SLCO6A1: variants seen among roughly 807,000 people sequenced by gnomAD.
SLCO6A1 encodes cancer/testis antigen 48.
Under a neutral mutation model 72.7 loss-of-function variants are expected in SLCO6A1, and 65 were observed. The observed-to-expected ratio is 0.89, with a 90% CI of 0.73 to 1.10. SLCO6A1 has a LOEUF of 1.10. SLCO6A1 is among the 50% of genes least tolerant of loss of function. The pLI is 0.00. For missense variants in SLCO6A1, 874 were observed against 872.6 expected (o/e 1.00, Z -0.02); for synonymous variants, 314 against 298.2 (o/e 1.05, Z -0.55).
intron 9 of SLCO6A1, among the ~76,000 whole-genome samples, chr5:102,402,426 AT>A (rs1274928365): frequency 1.3e-5 from 2 of 152,304 alleles, no homozygotes; most frequent in African/African-American, 4.8e-5. Context: ...GTAAGTTTCA[AT>A]GGAGAATTGG....
rs372939815 is a variant in SLCO6A1, at chr5:102,373,369, C to A, written c.2143G>T (p.Glu715Ter). The change falls in exon 13 of 14, where the codon GAA (glutamate) becomes TAA (stop). Residue 715 changes from glutamate (E) to a stop codon, truncating the protein, a stop_gained. Coordinates refer to ENST00000506729, the MANE Select transcript of SLCO6A1 (RefSeq NM_173488.5). LOFTEE classifies it high-confidence loss of function. ...TVKNPKVKKKEETDL is the reference protein window; with the variant it reads ...TVKNPKVKKK ...TGATCCAGTTACAAGTCAGTTTCTT[C>A]TTTTTTCTTAACTTTTGGATTCTTC... 5.8e-6 allele frequency: 9 copies of A among 1,563,234 alleles called. No individual in the cohort carries two copies. Among genetic ancestry groups the A allele is most frequent in the African/African-American group, 2.7e-5 (2 of 72,756 alleles).
At chr5:102,421,560 TG>T (rs1748607034) in intron 7 of SLCO6A1, among the ~76,000 whole-genome samples, 1 of 152,132 alleles carries the variant, frequency 6.6e-6, no homozygotes, top group Admixed American at 6.5e-5. Flanking sequence ...GTAGCCAGAC[TG>T]CCTCTCTTGA....
At chr5:102,392,363 C>T (rs185466565) in intron 10 of SLCO6A1, among the ~76,000 whole-genome samples, 1 of 152,042 alleles carries the variant, frequency 6.6e-6, no homozygotes, top group East Asian at 1.9e-4. Flanking sequence ...TAGAATCACA[C>T]TTTAGTGTAG....
chr5:102,394,239 C>T (rs72779947), intron 10 of SLCO6A1, among the ~76,000 whole-genome samples: 5,087 of 152,218 alleles, frequency 0.033, 108 homozygotes, highest in Non-Finnish European at 0.048. Flanking sequence ...GAATGCTATC[C>T]CATTCCCTTG....
intron 12 of SLCO6A1, among the ~76,000 whole-genome samples, chr5:102,387,061 T>C (rs1746457652): frequency 6.6e-6 from 1 of 152,162 alleles, no homozygotes; most frequent in African/African-American, 2.4e-5. Flanking sequence ...GAAGGTATTT[T>C]CACACATGGA....
intron 6 of SLCO6A1, among the ~76,000 whole-genome samples, chr5:102,455,988 G>T (rs761732220): frequency 3.0e-4 from 45 of 152,136 alleles, no homozygotes; most frequent in Non-Finnish European, 4.9e-4. Flanking sequence ...CATATAAAGA[G>T]AACCAACGAC....
chr5:102,430,314 G>T (rs911958767), intron 7 of SLCO6A1, among the ~76,000 whole-genome samples: 1 of 152,050 alleles, frequency 6.6e-6, no homozygotes, highest in Non-Finnish European at 1.5e-5. Flanking sequence ...TTGTCTGATT[G>T]TTCTGGGCTG....
At chr5:102,411,976 C>T (rs1030261132) in intron 9 of SLCO6A1, among the ~76,000 whole-genome samples, 3 of 152,140 alleles carry the variant, frequency 2.0e-5, no homozygotes, top group Non-Finnish European at 4.4e-5. Context: ...CATCTGTTGT[C>T]TCTTAGGGTA....
chr5:102,393,106 A>G (rs1262313573), intron 10 of SLCO6A1, among the ~76,000 whole-genome samples: 13 of 152,084 alleles, frequency 8.5e-5, no homozygotes, highest in Non-Finnish European at 1.6e-4. Flanking sequence ...ACCACTGCCC[A>G]ATTTCAAGCG....
intron 6 of SLCO6A1, among the ~76,000 whole-genome samples, chr5:102,444,758 T>C (rs1329125026): frequency 6.6e-6 from 1 of 152,206 alleles, no homozygotes; most frequent in Non-Finnish European, 1.5e-5. Flanking sequence ...TTTGTTTTCT[T>C]TCATTTTGTT....
intron 1 of SLCO6A1, among the ~76,000 whole-genome samples, chr5:102,482,415 G>C (rs774908880): frequency 1.3e-5 from 2 of 152,112 alleles, no homozygotes; most frequent in Non-Finnish European, 2.9e-5. Flanking sequence ...GATATTCATA[G>C]CTTCCTTCTT....
intron 5 of SLCO6A1, 123 bp from the exon 6 acceptor site, chr5:102,458,614 A>C: frequency 1.6e-6 from 1 of 619,306 alleles, no homozygotes; most frequent in East Asian, 2.8e-5. Context: ...TTATTTTTGA[A>C]CAAGCTAAAC....
At chr5:102,427,590 A>C (rs766543489) in intron 7 of SLCO6A1, among the ~76,000 whole-genome samples, 1 of 152,044 alleles carries the variant, frequency 6.6e-6, no homozygotes, top group Non-Finnish European at 1.5e-5. Context: ...AGAAATTGTC[A>C]TAGCCAAGAG....
At chr5:102,431,048 T>A (rs1749189693) in intron 7 of SLCO6A1, among the ~76,000 whole-genome samples, 1 of 152,192 alleles carries the variant, frequency 6.6e-6, no homozygotes, top group African/African-American at 2.4e-5. Context: ...CAGGAATTTA[T>A]TCATTTTTTC....
At chr5:102,413,178 A>G (rs947474922) in intron 8 of SLCO6A1, 35 bp from the exon 9 acceptor site, 7 of 1,507,338 alleles carry the variant, frequency 4.6e-6, no homozygotes, top group African/African-American at 4.4e-5. Flanking sequence ...TCATATTACC[A>G]TTGTTTTATA....
At chr5:102,489,345 G>A (rs1350410888) in intron 1 of SLCO6A1, among the ~76,000 whole-genome samples, 4 of 152,052 alleles carry the variant, frequency 2.6e-5, no homozygotes, top group Non-Finnish European at 5.9e-5. Context: ...GGAAAAGGGG[G>A]ATTTCCAGAA....
intron 1 of SLCO6A1, among the ~76,000 whole-genome samples, chr5:102,482,590 A>G (rs1031733918): frequency 6.6e-6 from 1 of 152,230 alleles, no homozygotes; most frequent in South Asian, 2.1e-4. Flanking sequence ...CTTCAATAAG[A>G]CATCATAATT....
rs544265445 is a variant in SLCO6A1 at position 102,377,500 on chromosome 5, A to T, written c.2018-4006T>A. ...AATGACTGGAAAAGGTTATGGGAAA[A>T]ATTTCCATATTTGGTTTTGGGTGTT... is the stretch of plus-strand genomic sequence containing the variant. On this transcript the variant is annotated intron_variant, in intron 12 of 13. Coordinates refer to ENST00000506729, the MANE Select transcript of SLCO6A1 (RefSeq NM_173488.5). 2.7e-3 allele frequency among the ~76,000 whole-genome samples: 418 copies of T among 152,166 alleles called. 2 individuals carry two copies. The highest frequency in any genetic ancestry group is 9.7e-3 in the African/African-American group (404 of 41,514).
In SLCO6A1 at chr5:102,475,793, C is replaced by A; in HGVS notation, c.803G>T (p.Gly268Val). 2 of 1,595,068 alleles carry A rather than the reference C, an allele frequency of 1.3e-6. No homozygotes were observed. Among genetic ancestry groups the A allele is most frequent in the Admixed American group, 1.7e-5 (1 of 57,602 alleles). The change falls in exon 4 of 14, where the codon GGT (glycine) becomes GTT (valine). Residue 268 changes from glycine to valine, a missense_variant and splice_region_variant. Transcript: ENST00000506729. ...VATHSAGIYL[G>V]IAECTSMIGY... ...AATCATTGATGTACATTCTGCAATA[C>A]CTGTAAAATAAGCACTGAAACTGAA...
Sources: gnomAD v4.1 joint callset for allele counts (sites outside exome capture counted in the v4.1 genomes callset) on GRCh38, gnomAD v4.1.1 for gene constraint, MANE v1.5 for transcripts, NCBI Gene and HGNC (gene_info 2026-07-23, HGNC 2026-07-21) for gene names.